SMPD3: variants seen among roughly 807,000 people sequenced by gnomAD.
SMPD3 encodes sphingomyelin phosphodiesterase 3, also known as nSMase-2.
A neutral mutation model predicts 55.7 loss-of-function variants in SMPD3; 21 were observed. The observed-to-expected ratio is 0.38, with a 90% CI of 0.27 to 0.54. SMPD3 has a LOEUF of 0.54. Ranked by LOEUF, SMPD3 falls within the 20% of genes least tolerant of loss-of-function variation. SMPD3 has a pLI of 0.80. For synonymous variants in SMPD3, 457 were observed against 404.3 expected (o/e 1.13, Z -1.56); for missense variants, 842 against 899.6 (o/e 0.94, Z 0.82).
At chr16:68,438,836 A>ACCCAGTAACTTGAAC (rs2090545308) in intron 1 of SMPD3, among the ~76,000 whole-genome samples, 1 of 152,220 alleles carries the variant, frequency 6.6e-6, no homozygotes, top group Non-Finnish European at 1.5e-5. Flanking sequence ...CTGATCTTGA[A>ACCCAGTAACTTGAAC]CCAGAGAAGC....
intron 7 of SMPD3, 76 bp downstream of exon 7, chr16:68,363,420 T>G: frequency 6.5e-7 from 1 of 1,529,004 alleles, no homozygotes; most frequent in Non-Finnish European, 9.1e-7. Context: ...AGCTCTCCCA[T>G]GTGGGTCCTG....
chr16:68,414,834 G>A (rs2090327412), intron 1 of SMPD3, among the ~76,000 whole-genome samples: 2 of 152,216 alleles, frequency 1.3e-5, no homozygotes, highest in South Asian at 4.1e-4. Flanking sequence ...GGTGGCCTTG[G>A]TCACCCAGGG....
At chr16:68,384,366 GA>G (rs1478996436) in intron 2 of SMPD3, among the ~76,000 whole-genome samples, 3 of 152,240 alleles carry the variant, frequency 2.0e-5, no homozygotes, top group African/African-American at 7.2e-5. Flanking sequence ...ACCTTAGGCT[GA>G]GGCCAAACAG....
At chr16:68,389,400 G>A (rs979417636) in intron 1 of SMPD3, among the ~76,000 whole-genome samples, 1 of 152,254 alleles carries the variant, frequency 6.6e-6, no homozygotes, top group African/African-American at 2.4e-5. Flanking sequence ...TAGATGCACT[G>A]AGCTTGGTCA....
chr16:68,404,790 G>T lies in SMPD3; in HGVS notation c.-268-18131C>A. Among the ~76,000 whole-genome samples the T allele has an allele frequency of 6.6e-6, 1 of 152,318 alleles. No individual in the cohort carries two copies. The highest frequency in any genetic ancestry group is 1.5e-5 in the Non-Finnish European group (1 of 68,036). Reference sequence around the variant, plus strand: ...AAAATAAGTCTTTCCATCCAAATTGGAAATGAAAAGGCCCTGGTACTTGAC... The same window carrying T: ...AAAATAAGTCTTTCCATCCAAATTGTAAATGAAAAGGCCCTGGTACTTGAC... On this transcript the variant is annotated intron_variant, in intron 1 of 8. Transcript: ENST00000219334. This position sits in a 1 kb window ranked among gnomAD's most constrained non-coding sequence, Gnocchi z 4.0.
chr16:68,363,678 T>C (rs2089386273), intron 6 of SMPD3, 99 bp downstream of exon 6: 1 of 1,450,852 alleles, frequency 6.9e-7, no homozygotes, highest in Non-Finnish European at 9.4e-7. Flanking sequence ...AATGGGGCCC[T>C]TCCCCAGCAG....
chr16:68,410,084 A>G (rs1329153949), intron 1 of SMPD3, among the ~76,000 whole-genome samples: 6 of 152,244 alleles, frequency 3.9e-5, no homozygotes, highest in African/African-American at 1.4e-4. Flanking sequence ...CGAGGGCTGT[A>G]AGAATCACAT....
chr16:68,389,961 C>T (rs1056593396), intron 1 of SMPD3, among the ~76,000 whole-genome samples: 1 of 152,348 alleles, frequency 6.6e-6, no homozygotes, highest in South Asian at 2.1e-4. Context: ...AGGATGGCTA[C>T]CTCATTGACA....
At chr16:68,394,480 T>C (rs2090138492) in intron 1 of SMPD3, among the ~76,000 whole-genome samples, 1 of 152,256 alleles carries the variant, frequency 6.6e-6, no homozygotes. Flanking sequence ...TTTATTTCTT[T>C]CAAAGTAGTT....
At chr16:68,361,795 G>A (rs1484949087) in intron 7 of SMPD3, 36 bp from the exon 8 acceptor site, 3 of 1,571,972 alleles carry the variant, frequency 1.9e-6, no homozygotes, top group East Asian at 2.4e-5. Flanking sequence ...GGGCCCCCAT[G>A]CCCGCCCCTG....
intron 1 of SMPD3, among the ~76,000 whole-genome samples, chr16:68,421,909 A>G (rs1267437690): frequency 6.6e-6 from 1 of 152,222 alleles, no homozygotes; most frequent in Non-Finnish European, 1.5e-5. Context: ...AACTTTGCAG[A>G]TGTGATTAAG....
In SMPD3 at chr16:68,360,934, T is replaced by G. The variant is rs1250690786; in HGVS notation, c.*272A>C. 3.1e-5 allele frequency: 14 copies of G among 449,792 alleles called. No individual in the cohort carries two copies. The highest frequency in any genetic ancestry group is 1.6e-4 in the Admixed American group (4 of 25,214). 27.9% of individuals were successfully genotyped at this position (449,792 alleles called of 1,614,324 possible). A position where few individuals can be genotyped will look rare whatever the true frequency, so the allele number is the denominator to read the frequency against. On this transcript the variant is annotated 3_prime_UTR_variant, in exon 9 of 9. Transcript: ENST00000219334. Reference sequence around the variant, plus strand: ...TCATACTAACCCACGGGTTACAAACTCGGTTGTGCTGTAGATTTGTAGAAA... The same window carrying G: ...TCATACTAACCCACGGGTTACAAACGCGGTTGTGCTGTAGATTTGTAGAAA...
chr16:68,388,415 GACCTGACCCAGGCCACAGGCTC>G (rs1187772581), intron 1 of SMPD3, among the ~76,000 whole-genome samples: 1 of 152,140 alleles, frequency 6.6e-6, no homozygotes, highest in Non-Finnish European at 1.5e-5. Flanking sequence ...TTGCTGGGCT[GACCTGACCCAGGCCACAGGCTC>G]ACAAGCATCT....
intron 5 of SMPD3, 161 bp downstream of exon 5, chr16:68,364,590 G>C: frequency 1.2e-6 from 1 of 813,174 alleles, no homozygotes; most frequent in East Asian, 2.7e-5. Context: ...CCTGTTCTAG[G>C]ATTTCTAGGG....
At position 68,359,278 on chromosome 16, in the gene SMPD3, C is replaced by G. The variant is rs1597567749; in HGVS notation, c.*1928G>C. 1 of 152,666 alleles carries G rather than the reference C, an allele frequency of 6.6e-6. No homozygotes were observed. The highest frequency in any genetic ancestry group is 1.5e-5 in the Non-Finnish European group (1 of 68,232). The allele number at this position is 152,666 out of a possible 1,614,324, so 9.5% of individuals were successfully genotyped here. A position where few individuals can be genotyped will look rare whatever the true frequency, so the allele number is the denominator to read the frequency against. ...GCTGCTTCTGGAAGTTGGGGGCCTC[C>G]ACATCATGAATCCCAGTCAAGGCTC... On this transcript the variant is annotated 3_prime_UTR_variant, in exon 9 of 9. Coordinates refer to ENST00000219334, the MANE Select transcript of SMPD3 (RefSeq NM_018667.4).
At chr16:68,397,308 A>G (rs1280538378) in intron 1 of SMPD3, among the ~76,000 whole-genome samples, 2 of 152,136 alleles carry the variant, frequency 1.3e-5, no homozygotes, top group African/African-American at 2.4e-5. Context: ...TGCTGCCATG[A>G]TTTGTTCTTA....
At chr16:68,429,942 T>C (rs1451841133) in intron 1 of SMPD3, among the ~76,000 whole-genome samples, 2 of 152,102 alleles carry the variant, frequency 1.3e-5, no homozygotes, top group Non-Finnish European at 2.9e-5. Flanking sequence ...CTCAAGACAG[T>C]ATGAAGACAA....
chr16:68,423,862 G>C (rs1024042315), intron 1 of SMPD3, among the ~76,000 whole-genome samples: 2 of 152,082 alleles, frequency 1.3e-5, no homozygotes, highest in African/African-American at 4.8e-5. Context: ...GGCTGATGTG[G>C]GTGGTTCTGG....
chr16:68,429,969 C>G (rs147593120), intron 1 of SMPD3, among the ~76,000 whole-genome samples: 1 of 152,296 alleles, frequency 6.6e-6, no homozygotes, highest in Non-Finnish European at 1.5e-5. Context: ...AAACCCACTC[C>G]CCTCTTTGAA....
Sources: allele counts gnomAD v4.1 joint callset (sites outside exome capture counted in the v4.1 genomes callset), GRCh38; gene constraint gnomAD v4.1.1; non-coding constraint Gnocchi (gnomAD v3.1); transcripts MANE v1.5; gene names NCBI Gene and HGNC (gene_info 2026-07-23, HGNC 2026-07-21).